GPC1: variants seen among roughly 807,000 people sequenced by gnomAD.
The protein encoded by GPC1 is glypican 1.
In GPC1, 26 loss-of-function variants were observed where a neutral mutation model predicts 51.5. The observed-to-expected ratio is 0.50, with a 90% CI of 0.37 to 0.70. The LOEUF (loss-of-function observed/expected upper bound fraction) is 0.70, where lower values mean the gene tolerates loss of function less well. Ranked by LOEUF, GPC1 falls within the 30% of genes least tolerant of loss-of-function variation. GPC1 has a pLI of 0.00. For synonymous variants in GPC1, 380 were observed against 348.3 expected (o/e 1.09, Z -1.01); for missense variants, 775 against 800.5 (o/e 0.97, Z 0.38).
intron 1 of GPC1, among the ~76,000 whole-genome samples, chr2:240,456,967 C>T (rs1395773954): frequency 1.3e-5 from 2 of 152,182 alleles, no homozygotes; most frequent in Non-Finnish European, 2.9e-5. Context: ...CCAGCTGGCT[C>T]CCACAAGGCC....
chr2:240,459,213 G>A, intron 2 of GPC1, 25 bp downstream of exon 2: 3 of 1,602,486 alleles, frequency 1.9e-6, no homozygotes, highest in Non-Finnish European at 2.6e-6. Flanking sequence ...CGGGCGCTCG[G>A]GGCCCGCAGG....
rs1313345468 is a variant in GPC1 at position 240,435,752 on chromosome 2, G to T, written c.-167G>T. On this transcript the variant is annotated 5_prime_UTR_variant, in exon 1 of 9. Coordinates refer to ENST00000264039, the MANE Select transcript of GPC1 (RefSeq NM_002081.3). ...ACCCCGCGCGCCCCGCGCCGCCGCC[G>T]CCGCCGGCTTTTGTTGTCTCCGCCT... The T allele has an allele frequency of 1.5e-5, 5 of 333,286 alleles. No individual in the cohort carries two copies. Among genetic ancestry groups the T allele is most frequent in the East Asian group, 1.2e-4 (2 of 17,070 alleles). The allele number at this position is 333,286 out of a possible 1,614,324, so 20.6% of individuals were successfully genotyped here.
rs557239773 is a variant in GPC1, at chr2:240,457,138, T to A, written c.167-1892T>A. ...GGGGAATCCCTGGACCTGCAGCCCC[T>A]GCGGAGGACTCCCTCCCCCTCTAGC... On this transcript the variant is annotated intron_variant, in intron 1 of 8. Coordinates refer to ENST00000264039, the MANE Select transcript of GPC1 (RefSeq NM_002081.3). Among the ~76,000 whole-genome samples, 4 of 152,242 alleles carry A rather than the reference T, an allele frequency of 2.6e-5. No individual in the cohort carries two copies. In the South Asian group the frequency reaches 8.3e-4, roughly 31 times the overall value.
chr2:240,451,812 C>A (rs1177925341), intron 1 of GPC1: 1 of 153,606 alleles, frequency 6.5e-6, no homozygotes, highest in East Asian at 1.9e-4. Flanking sequence ...ATCTGATGGA[C>A]CCCTGCCGTC....
At chr2:240,465,789 C>T in intron 8 of GPC1, 141 bp downstream of exon 8, 2 of 738,358 alleles carry the variant, frequency 2.7e-6, no homozygotes, top group Non-Finnish European at 4.4e-6. Flanking sequence ...CGCTGTGCTG[C>T]CCAGGCACGA....
At chr2:240,455,729 C>T (rs947864330) in intron 1 of GPC1, among the ~76,000 whole-genome samples, 1 of 152,188 alleles carries the variant, frequency 6.6e-6, no homozygotes, top group Non-Finnish European at 1.5e-5. Context: ...AAGGCCCCAG[C>T]CCCTGGCATT....
intron 1 of GPC1, among the ~76,000 whole-genome samples, chr2:240,453,350 A>G (rs1481314287): frequency 3.4e-4 from 1 of 2,922 alleles, no homozygotes; most frequent in Admixed American, 2.8e-3. Context: ...CCCCGCTCCC[A>G]CCGCCCGCCC....
At position 240,448,832 on chromosome 2, in the gene GPC1, A is replaced by G. The variant is rs1039700571; in HGVS notation, c.167-10198A>G. Among the ~76,000 whole-genome samples the G allele has an allele frequency of 2.0e-5, 3 of 152,014 alleles. No individual in the cohort carries two copies. Among genetic ancestry groups the G allele is most frequent in the Admixed American group, 1.3e-4 (2 of 15,286 alleles). On this transcript the variant is annotated intron_variant, in intron 1 of 8. Transcript: ENST00000264039. This position sits in a 1 kb window ranked among gnomAD's most constrained non-coding sequence, Gnocchi z 4.5. ...AGGTTTCAGCAGCACCTGGCCAGCA[A>G]TGGGATAGTCAGGCCAGCGAGGGTG...
At chr2:240,453,317 G>C (rs1397264403) in intron 1 of GPC1, among the ~76,000 whole-genome samples, 1 of 2,810 alleles carries the variant, frequency 3.6e-4, no homozygotes. Context: ...CGCTCCCACC[G>C]CCCGCCCCGC....
Position 240,464,932 on chromosome 2 carries a change from T to A in GPC1, c.1091T>A (p.Leu364Gln), listed in dbSNP as rs772497120. The change falls in exon 6 of 9, where the codon CTG becomes CAG. Residue 364 changes from leucine to glutamine, a missense_variant. Coordinates refer to ENST00000264039, the MANE Select transcript of GPC1 (RefSeq NM_002081.3). ...GAGGAGAAGCGGCGCCGGGGCAAGC[T>A]GGCCCCGCGGGAGAGGCCACCTTCA... ...GPEEKRRRGK[L>Q]APRERPPSGT... 7 of 1,551,406 alleles carry A rather than the reference T, an allele frequency of 4.5e-6. No individual in the cohort carries two copies. Among genetic ancestry groups the A allele is most frequent in the Non-Finnish European group, 5.2e-6 (6 of 1,147,780 alleles).
intron 1 of GPC1, among the ~76,000 whole-genome samples, chr2:240,456,277 C>G (rs987301180): frequency 6.6e-6 from 1 of 152,108 alleles, no homozygotes; most frequent in African/African-American, 2.4e-5. Context: ...TTTCGGGCCT[C>G]ACCTCTCCAT....
At position 240,462,491 on chromosome 2, in the gene GPC1, T is replaced by C. The variant is rs781394708; in HGVS notation, c.626T>C (p.Leu209Pro). The C allele has an allele frequency of 1.3e-5, 20 of 1,598,290 alleles. No homozygotes were observed. The highest frequency in any genetic ancestry group is 1.6e-5 in the Non-Finnish European group (19 of 1,173,606). ...LRPFGEAPRE[L>P]RLRATRAFVA... is the part of the protein sequence containing the mutation. ...CCCTTCGGGGAGGCCCCGAGAGAGC[T>C]GCGCCTGCGGGCCACCCGTGCCTTC... Residue 209 changes from leucine to proline, a missense_variant, in exon 3 of 9, where the codon CTG becomes CCG. Physicochemically the swap from Leu to Pro is moderately conservative, Grantham distance 98. Transcript: ENST00000264039.
chr2:240,453,616 C>T (rs1340037602), intron 1 of GPC1, among the ~76,000 whole-genome samples: 6 of 145,300 alleles, frequency 4.1e-5, no homozygotes, highest in Non-Finnish European at 9.2e-5. Flanking sequence ...CCCCCCTCCC[C>T]TCGCCTGCCC....
chr2:240,440,291 G>A (rs1194275718), intron 1 of GPC1, among the ~76,000 whole-genome samples: 1 of 152,212 alleles, frequency 6.6e-6, no homozygotes, highest in Admixed American at 6.5e-5. Context: ...TGACTGTCTG[G>A]TTAACACATC....
intron 1 of GPC1, chr2:240,449,453 G>A (rs138187129): frequency 0.016 from 2,882 of 181,486 alleles, 37 homozygotes; most frequent in Non-Finnish European, 0.025. Context: ...TTCAAATAAG[G>A]AAATAAATGT....
At chr2:240,457,353 A>C (rs1378086646) in intron 1 of GPC1, 6 of 444,954 alleles carry the variant, frequency 1.3e-5, no homozygotes, top group Non-Finnish European at 2.4e-5. Flanking sequence ...CAGCCGCCCA[A>C]GCCCGGATTC....
chr2:240,446,155 A>T (rs2151787403), intron 1 of GPC1, among the ~76,000 whole-genome samples: 1 of 152,354 alleles, frequency 6.6e-6, no homozygotes, highest in South Asian at 2.1e-4. Context: ...GTCTGCGCCC[A>T]GGAGGGCCCA....
rs1381049188 is a variant in GPC1 at position 240,462,593 on chromosome 2, C to T, written c.717+11C>T. 8 of 1,506,514 alleles carry T rather than the reference C, an allele frequency of 5.3e-6. No individual in the cohort carries two copies. Among genetic ancestry groups the T allele is most frequent in the South Asian group, 1.3e-5 (1 of 76,642 alleles). The allele number at this position is 1,506,514 out of a possible 1,614,324, so 93.3% of individuals were successfully genotyped here. On this transcript the variant is annotated intron_variant, in intron 3 of 8. Coordinates refer to ENST00000264039, the MANE Select transcript of GPC1 (RefSeq NM_002081.3). ...CGGAAAGTGGCTCAGGTGCGCACAG[C>T]CACCCAGGGCTCTCAGAAACCCCTC...
intron 2 of GPC1, among the ~76,000 whole-genome samples, chr2:240,460,794 T>C (rs2074208851): frequency 6.6e-6 from 1 of 152,094 alleles, no homozygotes; most frequent in Non-Finnish European, 1.5e-5. Context: ...GGGAGTCTTG[T>C]CCAACCCCCA....
Sources: gnomAD v4.1 joint callset for allele counts (sites outside exome capture counted in the v4.1 genomes callset) on GRCh38, gnomAD v4.1.1 for gene constraint, Gnocchi (gnomAD v3.1) non-coding constraint, MANE v1.5 for transcripts, NCBI Gene and HGNC (gene_info 2026-07-23, HGNC 2026-07-21) for gene names.